Variants in PPP3CA observed in about 807,000 individuals in gnomAD.
PPP3CA encodes the protein protein phosphatase 3 catalytic subunit alpha.
In PPP3CA, 14 loss-of-function variants were observed where a neutral mutation model predicts 66.5. The ratio of observed to expected loss-of-function variants is 0.21; its 90% confidence interval spans 0.14 to 0.33. PPP3CA has a LOEUF of 0.33. Ranked by LOEUF, PPP3CA falls within the 10% of genes least tolerant of loss-of-function variation. PPP3CA has a pLI of 1.00. For missense variants in PPP3CA, 317 were observed against 639.5 expected, an observed-to-expected ratio of 0.50 and a Z score of 5.44; for synonymous variants, 232 against 226.2, an observed-to-expected ratio of 1.03 and a Z score of -0.23.
chr4:101,040,538 C>T lies in PPP3CA; in HGVS notation c.1185G>A (p.Val395=), dbSNP rs756166855. The part of the protein sequence containing the change: ...DGATAAARKE[V]IRNKIRAIGK... The stretch of plus-strand genomic sequence containing the variant: ...CTATTGCTCGGATCTTGTTCCTTAT[C>T]ACCTCTTTCCGGGCTGCAGCTGTTG... The change falls in exon 11 of 14, where the codon GTG becomes GTA. Residue 395 remains valine, a synonymous_variant. Coordinates refer to ENST00000394854, the MANE Select transcript of PPP3CA (RefSeq NM_000944.5). 1 of 1,613,466 alleles carries T rather than the reference C, an allele frequency of 6.2e-7. No individual in the cohort carries two copies. Among genetic ancestry groups the T allele is most frequent in the Non-Finnish European group, 8.5e-7 (1 of 1,179,770 alleles).
intron 3 of PPP3CA, among the ~76,000 whole-genome samples, chr4:101,100,621 G>A (rs945242883): frequency 2.0e-5 from 3 of 152,100 alleles, no homozygotes; most frequent in African/African-American, 4.8e-5. Flanking sequence ...ATTTGTTATC[G>A]TCAACTGACA....
At chr4:101,303,750 CTTG>C (rs1728451503) in intron 1 of PPP3CA, among the ~76,000 whole-genome samples, 1 of 152,082 alleles carries the variant, frequency 6.6e-6, no homozygotes, top group African/African-American at 2.4e-5. Flanking sequence ...TTTCATTCAC[CTTG>C]TTATCGTGAG....
Position 101,162,528 on chromosome 4 carries a change from AAAATAAATAAAT to A in PPP3CA, c.259+33376_259+33387del, listed in dbSNP as rs70961778. 3.5e-4 allele frequency among the ~76,000 whole-genome samples: 51 copies of A among 143,988 alleles called. 1 individual carries two copies. Among genetic ancestry groups the A allele is most frequent in the African/African-American group, 7.4e-4 (29 of 39,424 alleles). The allele number at this position is 143,988 out of a possible 152,430, so 94.5% of individuals were successfully genotyped here. On this transcript the variant is annotated intron_variant, in intron 2 of 13. Coordinates refer to ENST00000394854, the MANE Select transcript of PPP3CA (RefSeq NM_000944.5). Reference sequence around the variant, plus strand: ...CTGGGCGACAGAGCAAGACTCCATCAAAATAAATAAATAAATAAATAAATAAATAAATAAATA... The same window carrying A: ...CTGGGCGACAGAGCAAGACTCCATCAAAATAAATAAATAAATAAATAAATA...
At chr4:101,139,705 T>G (rs1231227593) in intron 2 of PPP3CA, among the ~76,000 whole-genome samples, 3 of 149,128 alleles carry the variant, frequency 2.0e-5, no homozygotes, top group Non-Finnish European at 3.0e-5. Context: ...TGTTTTTTTT[T>G]TTTTTTTTTT....
At chr4:101,202,997 A>G (rs965041621) in intron 1 of PPP3CA, among the ~76,000 whole-genome samples, 19 of 152,204 alleles carry the variant, frequency 1.2e-4, no homozygotes, top group African/African-American at 4.3e-4. Flanking sequence ...ATGCTCACTG[A>G]ATGTTCACAT....
At chr4:101,132,816 A>C (rs541539400) in intron 2 of PPP3CA, among the ~76,000 whole-genome samples, 1 of 152,330 alleles carries the variant, frequency 6.6e-6, no homozygotes, top group Admixed American at 6.5e-5. Flanking sequence ...TTTCAGGCCA[A>C]TATCCCTGAT....
intron 1 of PPP3CA, among the ~76,000 whole-genome samples, chr4:101,291,113 CT>C (rs1728009326): frequency 2.0e-5 from 3 of 148,016 alleles, no homozygotes; most frequent in Admixed American, 2.0e-4. Context: ...CAAACTGTAC[CT>C]GATGTTTTGC....
intron 10 of PPP3CA, among the ~76,000 whole-genome samples, chr4:101,046,308 C>G (rs1040419754): frequency 1.3e-5 from 2 of 152,024 alleles, no homozygotes; most frequent in Non-Finnish European, 2.9e-5. Flanking sequence ...AATATTTTTA[C>G]GTTAGAATGT....
In PPP3CA at chr4:101,067,601, C is replaced by T. The variant is rs148827458; in HGVS notation, c.956-4244G>A. Among the ~76,000 whole-genome samples the T allele has an allele frequency of 7.3e-3, 1,014 of 139,802 alleles. 12 individuals carry two copies. The highest frequency in any genetic ancestry group is 0.026 in the African/African-American group (969 of 37,052). 91.7% of individuals were successfully genotyped at this position (139,802 alleles called of 152,430 possible). On this transcript the variant is annotated intron_variant, in intron 8 of 13. Transcript: ENST00000394854. ...AAAACATTTCGCAACATGCTCTCTA[C>T]AATTTCCATCACCCAGGGAAACTAG...
chr4:101,332,507 G>T (rs1269668947), intron 1 of PPP3CA, among the ~76,000 whole-genome samples: 1 of 152,190 alleles, frequency 6.6e-6, no homozygotes, highest in Non-Finnish European at 1.5e-5. Context: ...TGGAATGGTA[G>T]GGCCCCCCAA....
intron 2 of PPP3CA, among the ~76,000 whole-genome samples, chr4:101,119,801 C>T (rs556748633): frequency 2.6e-4 from 40 of 152,102 alleles, no homozygotes; most frequent in African/African-American, 9.4e-4. Context: ...TTTAAGTATT[C>T]AGCTCCATCT....
chr4:101,033,234 A>C (rs1727072441), intron 11 of PPP3CA, among the ~76,000 whole-genome samples: 1 of 152,070 alleles, frequency 6.6e-6, no homozygotes, highest in South Asian at 2.1e-4. Context: ...ACACATATAC[A>C]CAAACATACA....
At chr4:101,089,262 A>C (rs1729808029) in intron 6 of PPP3CA, among the ~76,000 whole-genome samples, 1 of 152,122 alleles carries the variant, frequency 6.6e-6, no homozygotes, top group African/African-American at 2.4e-5. Flanking sequence ...GACAAAAAAA[A>C]AGAGGCATCA....
At chr4:101,029,316 G>A (rs932261347) in intron 12 of PPP3CA, 121 bp from the exon 13 acceptor site, 1 of 374,340 alleles carries the variant, frequency 2.7e-6, no homozygotes, top group Admixed American at 3.8e-5. Flanking sequence ...GTAAGTGCTA[G>A]ATTCTGGCAC....
rs1725359480 is a variant in PPP3CA at position 101,213,179 on chromosome 4, T to C, written c.59-17063A>G. Reference sequence around the variant, plus strand: ...ATCAAAGTCATAAATATGATAGTTTTTTTAAGGAAAGGACATACTATACTT... The same window carrying C: ...ATCAAAGTCATAAATATGATAGTTTCTTTAAGGAAAGGACATACTATACTT... On this transcript the variant is annotated intron_variant, in intron 1 of 13. Coordinates refer to ENST00000394854, the MANE Select transcript of PPP3CA (RefSeq NM_000944.5). Among the ~76,000 whole-genome samples the C allele has an allele frequency of 3.9e-5, 6 of 152,170 alleles. No homozygotes were observed. The South Asian group carries it at 1.2e-3, about 32-fold the overall frequency.
chr4:101,202,165 C>T (rs1176527655), intron 1 of PPP3CA, among the ~76,000 whole-genome samples: 1 of 152,042 alleles, frequency 6.6e-6, no homozygotes, highest in African/African-American at 2.4e-5. Context: ...ACTCTTTGAT[C>T]CAGTTGCAGA....
intron 2 of PPP3CA, among the ~76,000 whole-genome samples, chr4:101,121,250 G>A (rs1722018073): frequency 6.6e-6 from 1 of 151,994 alleles, no homozygotes; most frequent in African/African-American, 2.4e-5. Context: ...TTCATAATAT[G>A]TATTTGATAA....
chr4:101,058,600 T>C (rs983798226), intron 10 of PPP3CA, among the ~76,000 whole-genome samples: 2 of 152,132 alleles, frequency 1.3e-5, no homozygotes, highest in African/African-American at 4.8e-5. Flanking sequence ...ACTCCTACAA[T>C]TGGAATTAAA....
chr4:101,307,889 T>A (rs113570897), intron 1 of PPP3CA, among the ~76,000 whole-genome samples: 1 of 152,190 alleles, frequency 6.6e-6, no homozygotes, highest in Non-Finnish European at 1.5e-5. Context: ...CAATTCCATG[T>A]TAAGTTAGGT....
Sources: allele counts gnomAD v4.1 joint callset (sites outside exome capture counted in the v4.1 genomes callset), GRCh38; gene constraint gnomAD v4.1.1; transcripts MANE v1.5; gene names NCBI Gene and HGNC (gene_info 2026-07-23, HGNC 2026-07-21).